Variants in GLRA1 observed in about 807,000 individuals in gnomAD.
GLRA1 encodes glycine receptor subunit alpha-1.
A neutral mutation model predicts 48.3 loss-of-function variants in GLRA1; 37 were observed. The observed-to-expected ratio is 0.77, with a 90% CI of 0.59 to 1.01. GLRA1 has a LOEUF of 1.01. GLRA1 is among the 50% of genes least tolerant of loss of function. GLRA1 has a pLI of 0.00. For missense variants in GLRA1, 427 were observed against 571.0 expected (o/e 0.75, Z 2.57); for synonymous variants, 196 against 210.7 (o/e 0.93, Z 0.60).
In GLRA1 at chr5:151,854,095, T is replaced by A. The variant is rs7734241; in HGVS notation, c.697+945A>T. The stretch of plus-strand genomic sequence containing the variant: ...AATGCTGTATAAAGAGTAAAAGACT[T>A]GGTATGTGAGGGTCAGTTGTGGTGA... On this transcript the variant is annotated intron_variant, in intron 6 of 8. Transcript: ENST00000274576. 6.5e-3 allele frequency among the ~76,000 whole-genome samples: 995 copies of A among 152,324 alleles called. 11 individuals carry two copies. Among genetic ancestry groups the A allele is most frequent in the African/African-American group, 0.022 (928 of 41,576 alleles).
chr5:151,879,338 T>TTTG (rs960689450), intron 3 of GLRA1, among the ~76,000 whole-genome samples: 1 of 151,772 alleles, frequency 6.6e-6, no homozygotes, highest in Admixed American at 6.6e-5. Context: ...CCTTTTTTTT[T>TTTG]TCAGATTTTA....
chr5:151,863,562 T>A (rs554698893), intron 3 of GLRA1, among the ~76,000 whole-genome samples: 3 of 152,272 alleles, frequency 2.0e-5, no homozygotes, highest in Admixed American at 1.3e-4. Context: ...TAGCTCTCTA[T>A]GTTGGATCTC....
In GLRA1 at chr5:151,856,355, C is replaced by T; in HGVS notation, c.505G>A (p.Asp169Asn). Residue 169 changes from aspartate to asparagine, a missense_variant, in exon 5 of 9, where the codon GAC becomes AAC. Asp to Asn is a conservative substitution (Grantham distance 23). Around this residue, in one of 4 missense-constraint regions of GLRA1, gnomAD observed 271 missense variants for 434.9 expected, o/e 0.62. Transcript: ENST00000274576. ...ACATCCATGGGGAAATTCTTCAAGT[C>T]CATGGGGCAGGCCAGTGTCAGGGTG... is the stretch of plus-strand genomic sequence containing the variant. Reference protein sequence around the residue: ...RITLTLACPMDLKNFPMDVQT... With the variant: ...RITLTLACPMNLKNFPMDVQT... 1.2e-6 allele frequency: 2 copies of T among 1,612,164 alleles called. No homozygotes were observed. Among genetic ancestry groups the T allele is most frequent in the South Asian group, 1.1e-5 (1 of 91,018 alleles).
At chr5:151,894,333 C>G (rs1203841126) in intron 1 of GLRA1, among the ~76,000 whole-genome samples, 5 of 152,158 alleles carry the variant, frequency 3.3e-5, no homozygotes, top group Non-Finnish European at 7.3e-5. Context: ...ACCACCCTGG[C>G]CTCTTCCTTA....
At chr5:151,842,270 G>T (rs1763730064) in intron 7 of GLRA1, among the ~76,000 whole-genome samples, 1 of 151,200 alleles carries the variant, frequency 6.6e-6, no homozygotes, top group Admixed American at 6.6e-5. Flanking sequence ...TAAGAAGCAA[G>T]TATTACCCTG....
chr5:151,859,824 A>G lies in GLRA1; in HGVS notation c.437T>C (p.Leu146Pro). 6.2e-7 allele frequency: 1 copy of G among 1,613,990 alleles called. No individual in the cohort carries two copies. The highest frequency in any genetic ancestry group is 1.3e-5 in the African/African-American group (1 of 75,024). The part of the protein sequence containing the change: ...FHEITTDNKL[L>P]RISRNGNVLY... ...GACATTCCCATTCCGGGAGATCCTT[A>G]GCAATTTGTTGTCTGTGGTGATCTC... The change falls in exon 4 of 9, where the codon CTA becomes CCA. Residue 146 changes from leucine to proline, a missense_variant. By Grantham distance (98) the Leu-to-Pro change is moderately conservative. Transcript: ENST00000274576.
chr5:151,847,288 G>A (rs1752699351), intron 7 of GLRA1, among the ~76,000 whole-genome samples: 1 of 152,126 alleles, frequency 6.6e-6, no homozygotes, highest in South Asian at 2.1e-4. Context: ...TAGTGAATGT[G>A]GTAGAATGCA....
chr5:151,828,931 C>G lies in GLRA1; in HGVS notation c.1049G>C (p.Arg350Thr). ...GACCCAAAGGCCTACCTTGTGATGT[C>G]TCCGCTTCCTCCTGAATCGGAGCAG... Reference protein sequence around the residue: ...KELLRFRRKRRHHKEDEAGEG... With the variant: ...KELLRFRRKRTHHKEDEAGEG... Residue 350 changes from arginine (R) to threonine (T), a missense_variant, in exon 8 of 9, where the codon AGA becomes ACA. Physicochemically the swap from Arg to Thr is moderately conservative, Grantham distance 71. Coordinates refer to ENST00000274576, the MANE Select transcript of GLRA1 (RefSeq NM_000171.4). 6.2e-7 allele frequency: 1 copy of G among 1,614,066 alleles called. No individual in the cohort carries two copies. Among genetic ancestry groups the G allele is most frequent in the South Asian group, 1.1e-5 (1 of 91,060 alleles).
At chr5:151,848,953 T>C (rs144802019) in intron 7 of GLRA1, 1 of 716,760 alleles carries the variant, frequency 1.4e-6, no homozygotes, top group Non-Finnish European at 2.6e-6. Flanking sequence ...TGTCTCAGGG[T>C]GAGAAAGTCC....
chr5:151,923,648 A>G (rs1754932875), intron 1 of GLRA1, among the ~76,000 whole-genome samples: 1 of 152,238 alleles, frequency 6.6e-6, no homozygotes, highest in African/African-American at 2.4e-5. Context: ...CTACTAACAT[A>G]AGAAAGACAA....
chr5:151,828,983 T>G lies in GLRA1; in HGVS notation c.997A>C (p.Asn333His). Residue 333 changes from asparagine (N) to histidine (H), a missense_variant, in exon 8 of 9, where the codon AAC becomes CAC. This residue lies in a region of GLRA1 where 271 missense variants were observed against 434.9 expected (regional missense o/e 0.62). Transcript: ENST00000274576. ...TCCTTATGTTGCCGAGACACAAAGT[T>G]AACGGCAGCATATTCTAATAGGGCT... Reference protein sequence around the residue: ...FSALLEYAAVNFVSRQHKELL... With the variant: ...FSALLEYAAVHFVSRQHKELL... 1 of 1,614,164 alleles carries G rather than the reference T, an allele frequency of 6.2e-7. No homozygotes were observed. The highest frequency in any genetic ancestry group is 8.5e-7 in the Non-Finnish European group (1 of 1,180,004).
intron 1 of GLRA1, among the ~76,000 whole-genome samples, chr5:151,913,495 TG>T (rs1055221437): frequency 2.0e-4 from 31 of 152,206 alleles, no homozygotes; most frequent in South Asian, 1.0e-3. Context: ...TAAATAGCAG[TG>T]GGGGCTGTGT....
chr5:151,913,146 G>A (rs1346790549), intron 1 of GLRA1, among the ~76,000 whole-genome samples: 1 of 152,216 alleles, frequency 6.6e-6, no homozygotes, highest in Non-Finnish European at 1.5e-5. Flanking sequence ...TGCTCTGATA[G>A]GAAAATGTGT....
intron 7 of GLRA1, among the ~76,000 whole-genome samples, chr5:151,830,375 A>G (rs978361210): frequency 6.6e-6 from 1 of 152,266 alleles, no homozygotes; most frequent in Non-Finnish European, 1.5e-5. Flanking sequence ...GGGCAAAATA[A>G]TAGGTTAATC....
intron 1 of GLRA1, among the ~76,000 whole-genome samples, chr5:151,893,360 C>CTTTTTT (rs1754147012): frequency 1.0e-5 from 1 of 97,038 alleles, no homozygotes; most frequent in Non-Finnish European, 2.2e-5. Flanking sequence ...TTCTTTCTTT[C>CTTTTTT]ATTTTAGTTC....
chr5:151,848,069 G>GA (rs1454983262), intron 7 of GLRA1, among the ~76,000 whole-genome samples: 3 of 152,236 alleles, frequency 2.0e-5, no homozygotes, highest in Non-Finnish European at 4.4e-5. Context: ...AGTGTGTCCA[G>GA]AAAAGGGTTA....
intron 1 of GLRA1, among the ~76,000 whole-genome samples, chr5:151,915,164 G>A (rs532665338): frequency 2.0e-5 from 3 of 152,220 alleles, no homozygotes; most frequent in African/African-American, 7.2e-5. Flanking sequence ...AGAATTATGA[G>A]GTAGGGTATA....
chr5:151,881,933 C>T (rs920692123), intron 3 of GLRA1, among the ~76,000 whole-genome samples: 19 of 152,284 alleles, frequency 1.2e-4, no homozygotes, highest in South Asian at 4.1e-4. Context: ...TTCTGAAACC[C>T]GGACTATGTC....
At chr5:151,906,013 C>T (rs937673076) in intron 1 of GLRA1, among the ~76,000 whole-genome samples, 3 of 152,050 alleles carry the variant, frequency 2.0e-5, no homozygotes, top group East Asian at 1.9e-4. Context: ...CCTAAATGCT[C>T]GAAATGGGGG....
Sources: allele counts gnomAD v4.1 joint callset (sites outside exome capture counted in the v4.1 genomes callset), GRCh38; gene constraint gnomAD v4.1.1; regional missense constraint gnomAD v4.1.1; transcripts MANE v1.5; gene names NCBI Gene and HGNC (gene_info 2026-07-23, HGNC 2026-07-21).